The following TTLL5 variants were observed in gnomAD, a reference collection of about 807,000 sequenced individuals.
TTLL5 encodes the protein tubulin polyglutamylase TTLL5.
Under a neutral mutation model 168.4 loss-of-function variants are expected in TTLL5, and 132 were observed. The ratio of observed to expected loss-of-function variants is 0.78; its 90% confidence interval spans 0.68 to 0.91. TTLL5 has a LOEUF of 0.91. Among genes scored for constraint, TTLL5 ranks in the 40% least tolerant of loss-of-function variants. TTLL5 has a pLI of 0.00. For synonymous variants in TTLL5, 546 were observed against 558.6 expected (o/e 0.98, Z 0.32); for missense variants, 1,545 against 1,581.5 (o/e 0.98, Z 0.39).
intron 19 of TTLL5, 22 bp from the exon 20 acceptor site, chr14:75,766,040 A>C: frequency 6.3e-7 from 1 of 1,588,638 alleles, no homozygotes; most frequent in Non-Finnish European, 8.6e-7. Context: ...TTTCAGCAAC[A>C]TTAGTGATTC....
intron 4 of TTLL5, 60 bp from the exon 5 acceptor site, chr14:75,683,482 ATTGCTTTT>A (rs1884787464): frequency 3.5e-5 from 46 of 1,304,428 alleles, no homozygotes; most frequent in Middle Eastern, 1.8e-4. Context: ...TTTTTCTGCC[ATTGCTTTT>A]CCTGGAGAAG....
At chr14:75,712,961 C>T (rs1477637532) in intron 9 of TTLL5, among the ~76,000 whole-genome samples, 2 of 152,062 alleles carry the variant, frequency 1.3e-5, no homozygotes, top group Non-Finnish European at 2.9e-5. Context: ...CAAAATAGTA[C>T]CTAGGGTTTC....
chr14:75,903,674 C>G (rs1411461639), intron 31 of TTLL5, among the ~76,000 whole-genome samples: 1 of 151,666 alleles, frequency 6.6e-6, no homozygotes, highest in African/African-American at 2.4e-5. Context: ...AAAGACGAGG[C>G]AGGAGGATCT....
intron 21 of TTLL5, among the ~76,000 whole-genome samples, chr14:75,774,510 AT>A (rs1382348779): frequency 6.6e-6 from 1 of 151,940 alleles, no homozygotes; most frequent in Non-Finnish European, 1.5e-5. Flanking sequence ...TTACCCATGC[AT>A]TTTCTTAATG....
At chr14:75,694,271 A>G (rs1217849296) in intron 6 of TTLL5, among the ~76,000 whole-genome samples, 1 of 152,270 alleles carries the variant, frequency 6.6e-6, no homozygotes, top group African/African-American at 2.4e-5. Context: ...AGCATGAAAG[A>G]CAGTCTTTGA....
intron 31 of TTLL5, among the ~76,000 whole-genome samples, chr14:75,908,425 G>T (rs1356438454): frequency 2.0e-5 from 3 of 152,234 alleles, no homozygotes; most frequent in Non-Finnish European, 4.4e-5. Flanking sequence ...TGCAAATGCA[G>T]TGCAGGCAGC....
intron 2 of TTLL5, among the ~76,000 whole-genome samples, chr14:75,665,539 A>G (rs760664214): frequency 6.6e-6 from 1 of 152,218 alleles, no homozygotes; most frequent in Admixed American, 6.5e-5. Flanking sequence ...TTAAACTACT[A>G]TAACTTAGAA....
At chr14:75,768,277 T>G (rs1412155414) in intron 20 of TTLL5, among the ~76,000 whole-genome samples, 1 of 152,170 alleles carries the variant, frequency 6.6e-6, no homozygotes, top group East Asian at 1.9e-4. Context: ...AGCTGCAGAA[T>G]GAGCATTTCA....
chr14:75,773,925 TATAGAGAG>T lies in TTLL5; in HGVS notation c.2137-1557_2137-1550del, dbSNP rs1484249816. Among the ~76,000 whole-genome samples the T allele has an allele frequency of 2.5e-3, 66 of 26,274 alleles. 2 individuals are homozygous for T. The highest frequency in any genetic ancestry group is 6.9e-3 in the African/African-American group (53 of 7,722). The allele number at this position is 26,274 out of a possible 152,430, so 17.2% of individuals were successfully genotyped here. A position where few individuals can be genotyped will look rare whatever the true frequency, so the allele number is the denominator to read the frequency against. On this transcript the variant is annotated intron_variant, in intron 21 of 31. Coordinates refer to ENST00000298832, the MANE Select transcript of TTLL5 (RefSeq NM_015072.5). ...AAAAATACATATATATATATATATA[TATAGAGAG>T]AGAGAGAGAGAGAGAGAGAGAGAAA...
intron 28 of TTLL5, among the ~76,000 whole-genome samples, chr14:75,856,332 C>T (rs752199476): frequency 1.3e-5 from 2 of 152,204 alleles, no homozygotes; most frequent in Non-Finnish European, 2.9e-5. Context: ...CACTGTGCTC[C>T]AGCCTCTGAG....
intron 27 of TTLL5, among the ~76,000 whole-genome samples, chr14:75,811,836 G>T (rs1894060216): frequency 6.6e-6 from 1 of 152,078 alleles, no homozygotes; most frequent in African/African-American, 2.4e-5. Context: ...GAATCAACAG[G>T]GAAGCTCCAT....
chr14:75,924,634 A>T (rs2033947261), intron 31 of TTLL5, among the ~76,000 whole-genome samples: 1 of 151,974 alleles, frequency 6.6e-6, no homozygotes, highest in African/African-American at 2.4e-5. Flanking sequence ...CCAAGGCAGA[A>T]GAATTTTTTT....
intron 3 of TTLL5, 87 bp downstream of exon 3, chr14:75,669,609 G>A (rs1883557891): frequency 1.8e-6 from 2 of 1,083,006 alleles, no homozygotes; most frequent in Admixed American, 2.6e-5. Flanking sequence ...ATATATATAG[G>A]GAAAGGGCCT....
intron 26 of TTLL5, among the ~76,000 whole-genome samples, chr14:75,789,273 A>T (rs1431787492): frequency 6.6e-6 from 1 of 152,216 alleles, no homozygotes; most frequent in Non-Finnish European, 1.5e-5. Context: ...AATTATAAGC[A>T]TAAGGATCAT....
At chr14:75,834,882 A>G (rs960318979) in intron 28 of TTLL5, among the ~76,000 whole-genome samples, 5 of 152,034 alleles carry the variant, frequency 3.3e-5, no homozygotes, top group East Asian at 1.9e-4. Context: ...CCTGGGCAGT[A>G]TAGTGAGACC....
intron 28 of TTLL5, among the ~76,000 whole-genome samples, chr14:75,846,661 G>A (rs917708226): frequency 2.6e-5 from 4 of 151,992 alleles, no homozygotes; most frequent in East Asian, 1.9e-4. Context: ...ATGGTGGCGC[G>A]TGCCCGTAAT....
At chr14:75,802,768 C>T (rs1164787567) in intron 27 of TTLL5, among the ~76,000 whole-genome samples, 2 of 152,112 alleles carry the variant, frequency 1.3e-5, no homozygotes, top group African/African-American at 4.8e-5. Flanking sequence ...ATATGCATGA[C>T]AGAGATAGTC....
intron 17 of TTLL5, among the ~76,000 whole-genome samples, chr14:75,749,366 T>A (rs1889807704): frequency 6.6e-6 from 1 of 152,158 alleles, no homozygotes; most frequent in Non-Finnish European, 1.5e-5. Flanking sequence ...TTTGAACTAG[T>A]TGAGAAATAA....
intron 31 of TTLL5, among the ~76,000 whole-genome samples, chr14:75,928,951 CTTTT>C (rs2034179137): frequency 6.6e-6 from 1 of 152,152 alleles, no homozygotes; most frequent in Admixed American, 6.5e-5. Flanking sequence ...ATCCATTTTT[CTTTT>C]AAGCATCGTA....
Sources: allele counts gnomAD v4.1 joint callset (sites outside exome capture counted in the v4.1 genomes callset), GRCh38; gene constraint gnomAD v4.1.1; transcripts MANE v1.5; gene names NCBI Gene and HGNC (gene_info 2026-07-23, HGNC 2026-07-21).